Variants in OSBPL1A observed in about 807,000 individuals in gnomAD.
OSBPL1A encodes oxysterol-binding protein-related protein 1.
A neutral mutation model predicts 137.1 loss-of-function variants in OSBPL1A; 80 were observed. That is an observed-to-expected ratio of 0.58 (90% confidence interval 0.49 to 0.70). OSBPL1A has a LOEUF of 0.70. Among genes scored for constraint, OSBPL1A ranks in the 30% least tolerant of loss-of-function variants. OSBPL1A has a pLI of 0.00. For missense variants in OSBPL1A, 970 were observed against 1,129.4 expected (o/e 0.86, Z 2.02); for synonymous variants, 365 against 389.7 (o/e 0.94, Z 0.75).
At chr18:24,358,850 A>C (rs891730918) in intron 4 of OSBPL1A, among the ~76,000 whole-genome samples, 9 of 152,126 alleles carry the variant, frequency 5.9e-5, no homozygotes. Context: ...GGCTCAAGCG[A>C]TCCTCCTGCC....
At chr18:24,343,997 G>C (rs1158961409) in intron 4 of OSBPL1A, among the ~76,000 whole-genome samples, 1 of 151,992 alleles carries the variant, frequency 6.6e-6, no homozygotes, top group Non-Finnish European at 1.5e-5. Flanking sequence ...GCCCTATCAA[G>C]AGAGAAAAAG....
chr18:24,176,042 A>G (rs2086436858), intron 21 of OSBPL1A, among the ~76,000 whole-genome samples: 1 of 152,246 alleles, frequency 6.6e-6, no homozygotes, highest in African/African-American at 2.4e-5. Flanking sequence ...TCTTGATTAC[A>G]ACAGCTTTAG....
At chr18:24,179,162 T>A (rs2086529523) in intron 20 of OSBPL1A, 1 of 152,584 alleles carries the variant, frequency 6.6e-6, no homozygotes, top group Non-Finnish European at 1.5e-5. Context: ...GAGGTCACCA[T>A]ATTCATGCCA....
chr18:24,301,765 G>C (rs1338904480), intron 14 of OSBPL1A, among the ~76,000 whole-genome samples: 1 of 152,110 alleles, frequency 6.6e-6, no homozygotes, highest in East Asian at 1.9e-4. Flanking sequence ...TATAACTGCT[G>C]ATAAAAATAT....
At chr18:24,385,903 A>T (rs1906933987) in intron 1 of OSBPL1A, among the ~76,000 whole-genome samples, 1 of 152,186 alleles carries the variant, frequency 6.6e-6, no homozygotes. Context: ...CCAGGAAGAG[A>T]GGCAAACCTT....
intron 21 of OSBPL1A, 86 bp downstream of exon 21, chr18:24,177,927 T>A: frequency 7.6e-7 from 1 of 1,315,652 alleles, no homozygotes. Flanking sequence ...CTCCAGCTTT[T>A]GAACAGTAAG....
In OSBPL1A at chr18:24,163,075, A is replaced by ATTT; in HGVS notation, c.*101_*103dup. 2 of 697,144 alleles carry ATTT rather than the reference A, an allele frequency of 2.9e-6. No homozygotes were observed. Among genetic ancestry groups the ATTT allele is most frequent in the African/African-American group, 1.9e-5 (1 of 53,552 alleles). 43.2% of individuals were successfully genotyped at this position (697,144 alleles called of 1,614,324 possible). A position where few individuals can be genotyped will look rare whatever the true frequency, so the allele number is the denominator to read the frequency against. ...GCAGTTATCTCATGAGTGTTTTTTCATTTTTTTTTTTAAAAGATAAGTAGA... is the reference window on the plus strand; with the variant it reads ...GCAGTTATCTCATGAGTGTTTTTTCATTTTTTTTTTTTTTAAAAGATAAGTAGA... On this transcript the variant is annotated 3_prime_UTR_variant, in exon 28 of 28. Transcript: ENST00000319481.
chr18:24,342,443 C>T (rs2091286940), intron 4 of OSBPL1A, among the ~76,000 whole-genome samples: 1 of 152,080 alleles, frequency 6.6e-6, no homozygotes, highest in South Asian at 2.1e-4. Context: ...GGGATGATGG[C>T]AATGCTTGCT....
intron 24 of OSBPL1A, among the ~76,000 whole-genome samples, chr18:24,169,116 G>C (rs772506674): frequency 6.6e-6 from 1 of 152,198 alleles, no homozygotes; most frequent in Non-Finnish European, 1.5e-5. Flanking sequence ...GCAGGAACAT[G>C]GGATATAAAG....
intron 14 of OSBPL1A, among the ~76,000 whole-genome samples, chr18:24,285,992 A>C (rs1027636596): frequency 3.9e-5 from 6 of 152,184 alleles, no homozygotes; most frequent in Admixed American, 6.5e-5. Flanking sequence ...CCCCATCTCC[A>C]CTACAAATAC....
chr18:24,179,030 T>C (rs1435720378), intron 20 of OSBPL1A: 2 of 152,228 alleles, frequency 1.3e-5, no homozygotes, highest in Non-Finnish European at 2.9e-5. Flanking sequence ...TAAAGAGATA[T>C]TTTTATAAGA....
Position 24,303,648 on chromosome 18 carries a change from TCA to T in OSBPL1A, c.1161_1162del (p.Cys387Ter). On this transcript the variant is annotated stop_gained and frameshift_variant, in exon 14 of 28. Coordinates refer to ENST00000319481, the MANE Select transcript of OSBPL1A (RefSeq NM_080597.4). LOFTEE classifies it high-confidence loss of function. Reference sequence around the variant, plus strand: ...GCTTGTCTTTTTACCTTTAGCCATGTCACACTCCTTAATCATTTTGAGAAAGT... The same window carrying T: ...GCTTGTCTTTTTACCTTTAGCCATGTCACTCCTTAATCATTTTGAGAAAGT... The T allele has an allele frequency of 6.2e-7, 1 of 1,612,952 alleles. No individual in the cohort carries two copies. The highest frequency in any genetic ancestry group is 8.5e-7 in the Non-Finnish European group (1 of 1,179,090).
intron 13 of OSBPL1A, among the ~76,000 whole-genome samples, chr18:24,305,614 A>G (rs1371412329): frequency 6.6e-6 from 1 of 152,234 alleles, no homozygotes; most frequent in Non-Finnish European, 1.5e-5. Context: ...TGCAGAGTCC[A>G]ACATGGTTTC....
At chr18:24,184,865 C>G (rs568546379) in intron 18 of OSBPL1A, among the ~76,000 whole-genome samples, 80 of 152,104 alleles carry the variant, frequency 5.3e-4, no homozygotes, top group Non-Finnish European at 8.8e-4. Flanking sequence ...AGGCATTTGT[C>G]ACACACTGCA....
At chr18:24,174,363 G>A (rs779953888) in intron 21 of OSBPL1A, among the ~76,000 whole-genome samples, 2 of 152,178 alleles carry the variant, frequency 1.3e-5, no homozygotes, top group African/African-American at 2.4e-5. Context: ...TACACAGGTT[G>A]AGCATTCCAA....
At chr18:24,169,353 C>A (rs142091934) in intron 24 of OSBPL1A, among the ~76,000 whole-genome samples, 21 of 152,308 alleles carry the variant, frequency 1.4e-4, no homozygotes, top group Non-Finnish European at 2.5e-4. Flanking sequence ...TAAAGAGCCC[C>A]AGAGACTGGT....
chr18:24,351,347 C>CAAAAAAAAAAAAAAAAAAAAAAAAAAAAA (rs1172514692), intron 4 of OSBPL1A, among the ~76,000 whole-genome samples: 6 of 35,774 alleles, frequency 1.7e-4, no homozygotes, highest in East Asian at 1.5e-3. Flanking sequence ...GACTCTGTCT[C>CAAAAAAAAAAAAAAAAAAAAAAAAAAAAA]AAAAAAAAAA....
At chr18:24,305,233 T>C (rs1177073097) in intron 13 of OSBPL1A, among the ~76,000 whole-genome samples, 2 of 152,250 alleles carry the variant, frequency 1.3e-5, no homozygotes, top group Non-Finnish European at 2.9e-5. Context: ...TCCTAAGTTA[T>C]AATTAAAGGC....
At chr18:24,283,811 T>C (rs1310316106) in intron 14 of OSBPL1A, among the ~76,000 whole-genome samples, 6 of 152,182 alleles carry the variant, frequency 3.9e-5, no homozygotes, top group Non-Finnish European at 8.8e-5. Context: ...CATCCTGTTT[T>C]TGTCTGTTTT....
Sources: gnomAD v4.1 joint callset for allele counts (sites outside exome capture counted in the v4.1 genomes callset) on GRCh38, gnomAD v4.1.1 for gene constraint, MANE v1.5 for transcripts, NCBI Gene and HGNC (gene_info 2026-07-23, HGNC 2026-07-21) for gene names.